SMAP1: variants seen among roughly 807,000 people sequenced by gnomAD.
SMAP1 encodes the protein small ArfGAP 1, also known as stromal membrane-associated protein 1.
Under a neutral mutation model 58.5 loss-of-function variants are expected in SMAP1, and 24 were observed. The observed-to-expected ratio is 0.41, with a 90% CI of 0.30 to 0.58. The LOEUF (loss-of-function observed/expected upper bound fraction) is 0.58. Ranked by LOEUF, SMAP1 falls within the 20% of genes least tolerant of loss-of-function variation. SMAP1 has a pLI of 0.29. For synonymous variants in SMAP1, 216 were observed against 196.6 expected (o/e 1.10, Z -0.82); for missense variants, 563 against 566.3 (o/e 0.99, Z 0.06).
rs1055854349 is a variant in SMAP1, at chr6:70,860,585, G to GA, written c.*253dup. The GA allele has an allele frequency of 7.0e-6, 3 of 431,354 alleles. No homozygotes were observed. The highest frequency in any genetic ancestry group is 4.1e-5 in the African/African-American group (2 of 49,228). 26.7% of individuals were successfully genotyped at this position (431,354 alleles called of 1,614,324 possible). ...TGATTTCATGTACTGCATTATTTGAGAAGCTGCTCAACTTGCAAAATCAGT... is the reference window on the plus strand; with the variant it reads ...TGATTTCATGTACTGCATTATTTGAGAAAGCTGCTCAACTTGCAAAATCAGT... On this transcript the variant is annotated 3_prime_UTR_variant, in exon 11 of 11. Coordinates refer to ENST00000370455, the MANE Select transcript of SMAP1 (RefSeq NM_001044305.3).
intron 1 of SMAP1, among the ~76,000 whole-genome samples, chr6:70,671,366 T>C (rs1247042858): frequency 1.3e-5 from 2 of 152,094 alleles, no homozygotes; most frequent in African/African-American, 4.8e-5. Context: ...AAAAGTGCAT[T>C]CAAGACCAGC....
intron 3 of SMAP1, among the ~76,000 whole-genome samples, chr6:70,758,154 A>G (rs566951613): frequency 3.3e-4 from 50 of 150,658 alleles, no homozygotes; most frequent in African/African-American, 9.4e-4. Context: ...GATTAAGAAA[A>G]TGTGGCACAT....
At chr6:70,802,009 GT>G (rs1768877631) in intron 6 of SMAP1, among the ~76,000 whole-genome samples, 1 of 152,108 alleles carries the variant, frequency 6.6e-6, no homozygotes, top group Non-Finnish European at 1.5e-5. Context: ...CTCTTTTTTG[GT>G]TCCATATGAA....
At chr6:70,669,207 C>T (rs565203115) in intron 1 of SMAP1, among the ~76,000 whole-genome samples, 1 of 152,042 alleles carries the variant, frequency 6.6e-6, no homozygotes, top group Admixed American at 6.5e-5. Context: ...TAGGGTAGTT[C>T]TCTAAAGCAG....
At chr6:70,696,757 C>T (rs978450404) in intron 1 of SMAP1, among the ~76,000 whole-genome samples, 9 of 152,174 alleles carry the variant, frequency 5.9e-5, no homozygotes, top group African/African-American at 1.9e-4. Context: ...CTGTTAGGTC[C>T]GTTTTGGTCT....
chr6:70,739,803 GC>G (rs1430892606), intron 2 of SMAP1, among the ~76,000 whole-genome samples: 2 of 151,574 alleles, frequency 1.3e-5, no homozygotes, highest in Non-Finnish European at 2.9e-5. Context: ...TTTTCCGTCT[GC>G]CTTTCCATTT....
At chr6:70,756,050 A>G (rs768533116) in intron 3 of SMAP1, among the ~76,000 whole-genome samples, 1 of 152,038 alleles carries the variant, frequency 6.6e-6, no homozygotes, top group Non-Finnish European at 1.5e-5. Context: ...AAAACATTTT[A>G]ATATGTTTTT....
At chr6:70,672,046 TCAAA>T (rs1766287357) in intron 1 of SMAP1, among the ~76,000 whole-genome samples, 2 of 152,352 alleles carry the variant, frequency 1.3e-5, no homozygotes, top group South Asian at 4.1e-4. Flanking sequence ...ATTGCTGAGA[TCAAA>T]CACTCGTTTC....
In SMAP1 at chr6:70,835,251, C is replaced by CAA. The variant is rs778677881; in HGVS notation, c.577-1669_577-1668dup. ...TGGGCTACAGAGCGAGACTCCGTCT[C>CAA]AAAAAAAAAAAAAAAAAAAAAAGAA... On this transcript the variant is annotated intron_variant, in intron 6 of 10. Transcript: ENST00000370455. Among the ~76,000 whole-genome samples the CAA allele has an allele frequency of 9.7e-3, 549 of 56,522 alleles. 5 individuals carry two copies. The highest frequency in any genetic ancestry group is 0.031 in the East Asian group (55 of 1,778). 37.1% of individuals were successfully genotyped at this position (56,522 alleles called of 152,430 possible). A position where few individuals can be genotyped will look rare whatever the true frequency, so the allele number is the denominator to read the frequency against.
intron 6 of SMAP1, among the ~76,000 whole-genome samples, chr6:70,821,098 C>G (rs1389174544): frequency 6.6e-6 from 1 of 151,802 alleles, no homozygotes; most frequent in African/African-American, 2.4e-5. Context: ...TCAAGATGTC[C>G]TGTTTTTAAA....
intron 8 of SMAP1, 85 bp from the exon 9 acceptor site, chr6:70,856,774 T>C (rs1468641058): frequency 7.3e-7 from 1 of 1,365,338 alleles, no homozygotes; most frequent in Middle Eastern, 1.9e-4. Context: ...CTATCTAATT[T>C]TATAACTTTA....
At chr6:70,855,088 A>ATATACATATACG (rs1771351631) in intron 8 of SMAP1, among the ~76,000 whole-genome samples, 1 of 151,726 alleles carries the variant, frequency 6.6e-6, no homozygotes, top group Non-Finnish European at 1.5e-5. Context: ...ATACATATAC[A>ATATACATATACG]TATACATATA....
chr6:70,777,693 T>C (rs1767601259), intron 4 of SMAP1, among the ~76,000 whole-genome samples: 2 of 152,074 alleles, frequency 1.3e-5, no homozygotes, highest in Admixed American at 1.3e-4. Flanking sequence ...TAGACCAGTG[T>C]TTCCTATGTT....
At chr6:70,840,724 A>G (rs1178861592) in intron 7 of SMAP1, among the ~76,000 whole-genome samples, 5 of 152,204 alleles carry the variant, frequency 3.3e-5, no homozygotes, top group African/African-American at 4.8e-5. Flanking sequence ...ACTATTTATT[A>G]TAGTACTTTA....
At position 70,791,708 on chromosome 6, in the gene SMAP1, C is replaced by T; in HGVS notation, c.434C>T (p.Pro145Leu). 1 of 1,612,926 alleles carries T rather than the reference C, an allele frequency of 6.2e-7. No individual in the cohort carries two copies. Among genetic ancestry groups the T allele is most frequent in the South Asian group, 1.1e-5 (1 of 90,944 alleles). Residue 145 changes from proline (P) to leucine (L), a missense_variant, in exon 5 of 11, where the codon CCT becomes CTT. This residue lies in a region of SMAP1 where 494 missense variants were observed against 473.8 expected (regional missense o/e 1.04). Transcript: ENST00000370455. ...AITNISSSDA[P>L]LQPLVSSPSL... ...CCACAGATTTCCTCCTCTGATGCTC[C>T]TCTTCAGCCTTTGGTATCCTCTCCT...
chr6:70,691,105 T>G (rs1176951394), intron 1 of SMAP1, among the ~76,000 whole-genome samples: 3 of 152,206 alleles, frequency 2.0e-5, no homozygotes. Flanking sequence ...ATAAAGTTGT[T>G]TATGATATTC....
At chr6:70,672,407 T>C (rs1766306262) in intron 1 of SMAP1, among the ~76,000 whole-genome samples, 1 of 152,208 alleles carries the variant, frequency 6.6e-6, no homozygotes, top group Non-Finnish European at 1.5e-5. Flanking sequence ...TTTCAATTCC[T>C]GCTTAAATGT....
Position 70,861,829 on chromosome 6 carries a change from C to T in SMAP1, c.*1495C>T. On this transcript the variant is annotated 3_prime_UTR_variant, in exon 11 of 11. Coordinates refer to ENST00000370455, the MANE Select transcript of SMAP1 (RefSeq NM_001044305.3). ...TCGGGCAGCACAAGTGTAATGAATACCTTAGTGCAGTTATTTGCTTTCGGT... is the reference window on the plus strand; with the variant it reads ...TCGGGCAGCACAAGTGTAATGAATATCTTAGTGCAGTTATTTGCTTTCGGT... 6.2e-7 allele frequency: 1 copy of T among 1,614,022 alleles called. No homozygotes were observed. Among genetic ancestry groups the T allele is most frequent in the Non-Finnish European group, 8.5e-7 (1 of 1,179,960 alleles).
At chr6:70,784,151 C>T (rs1038853294) in intron 4 of SMAP1, among the ~76,000 whole-genome samples, 4 of 152,200 alleles carry the variant, frequency 2.6e-5, no homozygotes, top group African/African-American at 9.7e-5. Context: ...CAATATTCAG[C>T]ATTCTTAAAG....
Sources: allele counts gnomAD v4.1 joint callset (sites outside exome capture counted in the v4.1 genomes callset), GRCh38; gene constraint gnomAD v4.1.1; regional missense constraint gnomAD v4.1.1; transcripts MANE v1.5; gene names NCBI Gene and HGNC (gene_info 2026-07-23, HGNC 2026-07-21).